Variants in TPP2 observed in about 807,000 individuals in gnomAD.
TPP2 encodes tripeptidyl-peptidase 2.
Under a neutral mutation model 155.9 loss-of-function variants are expected in TPP2, and 34 were observed. The ratio of observed to expected loss-of-function variants is 0.22; its 90% CI spans 0.17 to 0.29. The LOEUF (loss-of-function observed/expected upper bound fraction) is 0.29, where lower values mean the gene tolerates loss of function less well. Ranked by LOEUF, TPP2 falls within the 10% of genes least tolerant of loss-of-function variation. The probability of loss-of-function intolerance (pLI) is 1.00; values close to 1 mark genes in which losing one functional copy is unlikely to be tolerated. For synonymous variants in TPP2, 510 were observed against 529.4 expected (o/e 0.96, Z 0.50); for missense variants, 1,028 against 1,522.3 (o/e 0.68, Z 5.40).
chr13:102,632,252 T>G (rs1038827923), intron 10 of TPP2, among the ~76,000 whole-genome samples: 1 of 151,996 alleles, frequency 6.6e-6, no homozygotes, highest in Non-Finnish European at 1.5e-5. Flanking sequence ...ACTTTTTTTT[T>G]TTTCTTTCCT....
intron 27 of TPP2, among the ~76,000 whole-genome samples, chr13:102,666,191 G>C (rs752480942): frequency 1.4e-4 from 21 of 152,224 alleles, no homozygotes; most frequent in Admixed American, 6.5e-5. Context: ...AGAGAAAACT[G>C]AAGTTCAGAG....
intron 24 of TPP2, among the ~76,000 whole-genome samples, chr13:102,656,719 C>G (rs1404751069): frequency 6.6e-6 from 1 of 152,202 alleles, no homozygotes; most frequent in Non-Finnish European, 1.5e-5. Flanking sequence ...ATTTCATCCC[C>G]TTCTCAGATT....
chr13:102,598,302 C>A (rs1879144232), intron 1 of TPP2, among the ~76,000 whole-genome samples: 1 of 152,164 alleles, frequency 6.6e-6, no homozygotes, highest in South Asian at 2.1e-4. Flanking sequence ...ACTAAACACT[C>A]ATCCTCCTCC....
intron 11 of TPP2, among the ~76,000 whole-genome samples, chr13:102,634,618 CCT>C (rs1236897384): frequency 4.6e-5 from 7 of 152,166 alleles, no homozygotes; most frequent in Non-Finnish European, 1.0e-4. Context: ...AGTTGTCTCT[CCT>C]CTGCCTCCTT....
intron 27 of TPP2, among the ~76,000 whole-genome samples, chr13:102,674,056 G>C (rs1382616068): frequency 6.6e-6 from 1 of 152,158 alleles, no homozygotes; most frequent in East Asian, 1.9e-4. Flanking sequence ...TCAACCAGGT[G>C]CAGCTACCCT....
chr13:102,643,240 GTTC>G lies in TPP2; in HGVS notation c.2044_2046del (p.Ser682del). ...ATTTTAGAAGTGACAGTGTGTTCGT[GTTC>G]TTCTGAGGTGTCAGCAAAGTTTGTT... On this transcript the variant is annotated inframe_deletion, in exon 17 of 30. Coordinates refer to ENST00000376052, the MANE Select transcript of TPP2 (RefSeq NM_001330588.2). 1 of 1,602,464 alleles carries G rather than the reference GTTC, an allele frequency of 6.2e-7. No individual in the cohort carries two copies. The highest frequency in any genetic ancestry group is 8.5e-7 in the Non-Finnish European group (1 of 1,176,438).
Position 102,646,399 on chromosome 13 carries a change from T to A in TPP2, c.2490+9T>A. On this transcript the variant is annotated intron_variant, in intron 20 of 29. Transcript: ENST00000376052. The stretch of plus-strand genomic sequence containing the variant: ...CATATAACTTTCATCAAGTAAGTGT[T>A]TGCCTAGTAAAGTGTACCCTTAGGA... 1 of 1,606,256 alleles carries A rather than the reference T, an allele frequency of 6.2e-7. No homozygotes were observed.
chr13:102,629,364 C>G, intron 8 of TPP2, 118 bp from the exon 9 acceptor site: 1 of 1,201,364 alleles, frequency 8.3e-7, no homozygotes, highest in Non-Finnish European at 1.1e-6. Flanking sequence ...TATCATGTTC[C>G]ACCAAGGGTG....
rs573652989 is a variant in TPP2 at position 102,611,208 on chromosome 13, A to T, written c.295-2893A>T. ...ACTACATTCTATCCATTCTGCTGTGATGTGTGTGTATCCTGTGCACATGTG... is the reference window on the plus strand; with the variant it reads ...ACTACATTCTATCCATTCTGCTGTGTTGTGTGTGTATCCTGTGCACATGTG... On this transcript the variant is annotated intron_variant, in intron 2 of 29. Transcript: ENST00000376052. 1.2e-3 allele frequency among the ~76,000 whole-genome samples: 183 copies of T among 152,236 alleles called. 1 individual carries two copies. The highest frequency in any genetic ancestry group is 4.3e-3 in the African/African-American group (177 of 41,546).
At chr13:102,645,758 C>T (rs1175824672) in intron 19 of TPP2, among the ~76,000 whole-genome samples, 2 of 152,194 alleles carry the variant, frequency 1.3e-5, no homozygotes, top group Non-Finnish European at 2.9e-5. Flanking sequence ...AAAACTTACT[C>T]TTCAGTGTCA....
At chr13:102,676,461 G>A in intron 29 of TPP2, 46 bp downstream of exon 29, 2 of 1,591,086 alleles carry the variant, frequency 1.3e-6, no homozygotes, top group Non-Finnish European at 1.7e-6. Context: ...CTTTGATATT[G>A]CATAGTGACA....
chr13:102,626,803 A>G (rs1881656706), intron 6 of TPP2: 1 of 356,940 alleles, frequency 2.8e-6, no homozygotes, highest in Admixed American at 4.7e-5. Context: ...GTGAATTTGA[A>G]AGATTTTTAT....
chr13:102,624,489 GCT>G (rs777988874), intron 6 of TPP2, among the ~76,000 whole-genome samples: 41 of 152,190 alleles, frequency 2.7e-4, no homozygotes, highest in African/African-American at 9.6e-4. Flanking sequence ...CCAAAAGTTT[GCT>G]CTCTCTATTA....
intron 21 of TPP2, 68 bp from the exon 22 acceptor site, chr13:102,648,839 C>T: frequency 2.0e-6 from 3 of 1,512,734 alleles, no homozygotes; most frequent in Non-Finnish European, 2.6e-6. Flanking sequence ...TTCACTTTAT[C>T]CTCTTTCAGT....
intron 2 of TPP2, among the ~76,000 whole-genome samples, chr13:102,606,627 G>C (rs979653816): frequency 6.6e-6 from 1 of 152,170 alleles, no homozygotes; most frequent in Non-Finnish European, 1.5e-5. Flanking sequence ...GGCCCGCTGA[G>C]AATCATGTCA....
chr13:102,647,408 G>T, intron 21 of TPP2, 64 bp downstream of exon 21: 1 of 1,550,320 alleles, frequency 6.5e-7, no homozygotes, highest in Non-Finnish European at 8.7e-7. Flanking sequence ...CAAAATCCTG[G>T]TTTCTTGTTA....
chr13:102,608,177 CAA>C (rs893248918), intron 2 of TPP2, among the ~76,000 whole-genome samples: 2 of 152,148 alleles, frequency 1.3e-5, no homozygotes, highest in Admixed American at 6.5e-5. Context: ...AGGCTTCTAA[CAA>C]AAAGAGTTAA....
At chr13:102,653,192 T>C (rs946372084) in intron 24 of TPP2, among the ~76,000 whole-genome samples, 4 of 152,174 alleles carry the variant, frequency 2.6e-5, no homozygotes, top group Non-Finnish European at 5.9e-5. Flanking sequence ...AAAGCTCTTA[T>C]TTTAGAAATA....
intron 25 of TPP2, among the ~76,000 whole-genome samples, chr13:102,663,216 C>G (rs917178755): frequency 6.6e-6 from 1 of 151,928 alleles, no homozygotes; most frequent in Non-Finnish European, 1.5e-5. Context: ...GGTTTGATCT[C>G]GGCTCACTGC....
Sources: gnomAD v4.1 joint callset for allele counts (sites outside exome capture counted in the v4.1 genomes callset) on GRCh38, gnomAD v4.1.1 for gene constraint, MANE v1.5 for transcripts, NCBI Gene and HGNC (gene_info 2026-07-23, HGNC 2026-07-21) for gene names.